SUFU: variants seen among roughly 807,000 people sequenced by gnomAD.
The protein encoded by SUFU is suppressor of fused homolog.
SUFU carries 7 observed loss-of-function variants against 58.9 expected under a neutral mutation model. The ratio of observed to expected loss-of-function variants is 0.12; its 90% confidence interval spans 0.07 to 0.22. The LOEUF is 0.22. Ranked by LOEUF, SUFU falls within the 10% of genes least tolerant of loss-of-function variation. SUFU has a pLI of 1.00. For synonymous variants in SUFU, 232 were observed against 254.8 expected, an observed-to-expected ratio of 0.91 and a Z score of 0.85; for missense variants, 451 against 641.3, an observed-to-expected ratio of 0.70 and a Z score of 3.20.
At chr10:102,552,625 A>T (rs1039987964) in intron 3 of SUFU, among the ~76,000 whole-genome samples, 1 of 152,252 alleles carries the variant, frequency 6.6e-6, no homozygotes, top group Non-Finnish European at 1.5e-5. Flanking sequence ...TACACTGTGT[A>T]TTAGTTAATA....
intron 4 of SUFU, 80 bp downstream of exon 4, chr10:102,592,804 G>A: frequency 6.5e-7 from 1 of 1,529,330 alleles, no homozygotes; most frequent in Non-Finnish European, 9.0e-7. Flanking sequence ...AGGAGGGGGA[G>A]TGAAGGGAGT....
chr10:102,574,050 A>G (rs2135810820), intron 3 of SUFU, among the ~76,000 whole-genome samples: 1 of 152,356 alleles, frequency 6.6e-6, no homozygotes, highest in East Asian at 1.9e-4. Flanking sequence ...TACATCTTTA[A>G]AATATCTTTA....
At chr10:102,550,802 C>T (rs555286325) in intron 3 of SUFU, among the ~76,000 whole-genome samples, 17 of 147,872 alleles carry the variant, frequency 1.1e-4, no homozygotes, top group Admixed American at 5.5e-4. Flanking sequence ...AGTGCAATGG[C>T]GCAATCTCGA....
At position 102,629,865 on chromosome 10, in the gene SUFU, C is replaced by T. The variant is rs144278179; in HGVS notation, c.1366-201C>T. Among the ~76,000 whole-genome samples, 15 of 152,256 alleles carry T rather than the reference C, an allele frequency of 9.9e-5. No homozygotes were observed. Among genetic ancestry groups the T allele is most frequent in the Admixed American group, 6.5e-5 (1 of 15,308 alleles). ...CCAACCTGCCTCATTATTGACAGGC[C>T]GTGGGGAAAGAAGGGGTCACCAACT... On this transcript the variant is annotated intron_variant, in intron 11 of 11. Coordinates refer to ENST00000369902, the MANE Select transcript of SUFU (RefSeq NM_016169.4). The surrounding 1 kb of genome is among the most constrained non-coding windows in gnomAD (Gnocchi z 4.7).
intron 3 of SUFU, among the ~76,000 whole-genome samples, chr10:102,559,401 G>T (rs560880668): frequency 1.3e-5 from 2 of 152,338 alleles, no homozygotes; most frequent in South Asian, 4.1e-4. Flanking sequence ...CCCTGCCTGG[G>T]ATCAGAGGAA....
chr10:102,514,790 T>C (rs974660775), intron 2 of SUFU, among the ~76,000 whole-genome samples: 1 of 152,236 alleles, frequency 6.6e-6, no homozygotes, highest in Non-Finnish European at 1.5e-5. Flanking sequence ...TGGCTGTCCC[T>C]GGTACCACCA....
rs890639332 is a variant in SUFU, at chr10:102,632,006, T to G, written c.*1851T>G. ...GCCCTGCCTGTGAAGCTCTTGTTTC[T>G]GACATTTCACAGGCAGAGAGGTGCC... On this transcript the variant is annotated 3_prime_UTR_variant, in exon 12 of 12. Transcript: ENST00000369902. 2.1e-5 allele frequency: 5 copies of G among 233,274 alleles called. No homozygotes were observed. The highest frequency in any genetic ancestry group is 1.1e-4 in the African/African-American group (5 of 45,340). The allele number at this position is 233,274 out of a possible 1,614,324, so 14.5% of individuals were successfully genotyped here. A position where few individuals can be genotyped will look rare whatever the true frequency, so the allele number is the denominator to read the frequency against.
rs1487898103 is a variant in SUFU at position 102,630,415 on chromosome 10, C to T, written c.*260C>T. The T allele has an allele frequency of 5.6e-6, 3 of 534,974 alleles. No individual in the cohort carries two copies. Among genetic ancestry groups the T allele is most frequent in the Non-Finnish European group, 1.0e-5 (3 of 295,160 alleles). The allele number at this position is 534,974 out of a possible 1,614,324, so 33.1% of individuals were successfully genotyped here. Reference sequence around the variant, plus strand: ...GTGAGTGGGCAAATGCGGACCCTCCCTGCCTGCAGCCTGCACAGATTCTGG... The same window carrying T: ...GTGAGTGGGCAAATGCGGACCCTCCTTGCCTGCAGCCTGCACAGATTCTGG... On this transcript the variant is annotated 3_prime_UTR_variant, in exon 12 of 12. Transcript: ENST00000369902.
At chr10:102,566,833 T>C (rs1356227281) in intron 3 of SUFU, among the ~76,000 whole-genome samples, 1 of 146,008 alleles carries the variant, frequency 6.8e-6, no homozygotes, top group African/African-American at 2.5e-5. Flanking sequence ...TAGTCCCAGC[T>C]ACTCAGGAGG....
chr10:102,566,334 T>A (rs774162025), intron 3 of SUFU, among the ~76,000 whole-genome samples: 2 of 152,114 alleles, frequency 1.3e-5, no homozygotes, highest in Non-Finnish European at 2.9e-5. Flanking sequence ...ATAGAAACAA[T>A]CAATATTATT....
intron 1 of SUFU, 149 bp from the exon 2 acceptor site, chr10:102,509,020 C>T (rs1018404892): frequency 7.1e-5 from 78 of 1,103,250 alleles, no homozygotes; most frequent in Admixed American, 4.0e-4. Flanking sequence ...CCCTTAGTCT[C>T]ATTCTGGAGA....
In SUFU at chr10:102,630,405, C is replaced by T. The variant is rs976251995; in HGVS notation, c.*250C>T. 23 of 550,642 alleles carry T rather than the reference C, an allele frequency of 4.2e-5. No homozygotes were observed. Among genetic ancestry groups the T allele is most frequent in the Middle Eastern group, 4.8e-4 (1 of 2,066 alleles). 34.1% of individuals were successfully genotyped at this position (550,642 alleles called of 1,614,324 possible). A position where few individuals can be genotyped will look rare whatever the true frequency, so the allele number is the denominator to read the frequency against. On this transcript the variant is annotated 3_prime_UTR_variant, in exon 12 of 12. Transcript: ENST00000369902. ...CATCAGGCCAGTGAGTGGGCAAATG[C>T]GGACCCTCCCTGCCTGCAGCCTGCA... is the stretch of plus-strand genomic sequence containing the variant.
chr10:102,574,519 G>A (rs766804970), intron 3 of SUFU, among the ~76,000 whole-genome samples: 2 of 152,130 alleles, frequency 1.3e-5, no homozygotes, highest in African/African-American at 4.8e-5. Flanking sequence ...AGGCTAAGAC[G>A]AGAGGATTGC....
chr10:102,562,174 T>G (rs914303034), intron 3 of SUFU, among the ~76,000 whole-genome samples: 1 of 152,192 alleles, frequency 6.6e-6, no homozygotes, highest in East Asian at 1.9e-4. Context: ...TCCTCTTGCC[T>G]TCCCAAAAGT....
Position 102,524,292 on chromosome 10 carries a change from A to C in SUFU, c.317+14989A>C, listed in dbSNP as rs1482739824. Among the ~76,000 whole-genome samples, 3 of 147,530 alleles carry C rather than the reference A, an allele frequency of 2.0e-5. No homozygotes were observed. In the East Asian group the frequency reaches 6.0e-4, roughly 29 times the overall value. On this transcript the variant is annotated intron_variant, in intron 2 of 11. Transcript: ENST00000369902. ...AGTGCTGAGATTACAGACATGAGCCACCGCACCCAGCCTAATTTTTCTTTT... is the reference window on the plus strand; with the variant it reads ...AGTGCTGAGATTACAGACATGAGCCCCCGCACCCAGCCTAATTTTTCTTTT...
intron 6 of SUFU, among the ~76,000 whole-genome samples, chr10:102,594,305 G>A (rs1663132110): frequency 6.6e-6 from 1 of 152,220 alleles, no homozygotes. Context: ...TTTATTGTAT[G>A]TAAATTATAT....
At chr10:102,519,196 A>G (rs1237504223) in intron 2 of SUFU, among the ~76,000 whole-genome samples, 1 of 148,910 alleles carries the variant, frequency 6.7e-6, no homozygotes, top group Non-Finnish European at 1.5e-5. Flanking sequence ...GTAAAATGGG[A>G]CAGCAGGTGA....
chr10:102,611,801 C>G (rs1564704798), intron 8 of SUFU, among the ~76,000 whole-genome samples: 1 of 152,222 alleles, frequency 6.6e-6, no homozygotes. Flanking sequence ...CCCAATGTCA[C>G]ATAAAACTGG....
At chr10:102,621,208 C>T (rs1462108375) in intron 10 of SUFU, among the ~76,000 whole-genome samples, 3 of 152,234 alleles carry the variant, frequency 2.0e-5, no homozygotes, top group Admixed American at 1.3e-4. Flanking sequence ...GGTGCCTCTA[C>T]TGTTCCTCCT....
Sources: gnomAD v4.1 joint callset for allele counts (sites outside exome capture counted in the v4.1 genomes callset) on GRCh38, gnomAD v4.1.1 for gene constraint, Gnocchi (gnomAD v3.1) non-coding constraint, MANE v1.5 for transcripts, NCBI Gene and HGNC (gene_info 2026-07-23, HGNC 2026-07-21) for gene names.